Variants in DLG2 observed in about 807,000 individuals in gnomAD.
DLG2 encodes the protein discs large MAGUK scaffold protein 2.
A neutral mutation model predicts 132.5 loss-of-function variants in DLG2; 45 were observed. That is an observed-to-expected ratio of 0.34 (90% confidence interval 0.27 to 0.44). The LOEUF is 0.44. Among genes scored for constraint, DLG2 ranks in the 20% least tolerant of loss-of-function variants. The probability of loss-of-function intolerance (pLI) is 1.00; values close to 1 mark genes in which losing one functional copy is unlikely to be tolerated. For synonymous variants in DLG2, 424 were observed against 419.6 expected (o/e 1.01, Z -0.13); for missense variants, 1,045 against 1,196.9 (o/e 0.87, Z 1.87).
intron 3 of DLG2, among the ~76,000 whole-genome samples, chr11:85,418,913 G>T (rs2090077435): frequency 6.6e-6 from 1 of 151,962 alleles, no homozygotes; most frequent in African/African-American, 2.4e-5. Flanking sequence ...TTTTAATTGG[G>T]GCATTTAGCC....
chr11:83,950,916 G>T (rs2085253829), intron 14 of DLG2, among the ~76,000 whole-genome samples: 1 of 151,062 alleles, frequency 6.6e-6, no homozygotes, highest in Non-Finnish European at 1.5e-5. Flanking sequence ...TTATTTGCCT[G>T]CCCCCCCCTC....
intron 15 of DLG2, among the ~76,000 whole-genome samples, chr11:83,911,591 T>A (rs2076058985): frequency 6.6e-6 from 1 of 152,140 alleles, no homozygotes; most frequent in South Asian, 2.1e-4. Context: ...ATTGTCCATC[T>A]CATGTGTTAC....
At chr11:84,517,939 T>C (rs574696963) in intron 7 of DLG2, among the ~76,000 whole-genome samples, 3 of 151,894 alleles carry the variant, frequency 2.0e-5, no homozygotes, top group Non-Finnish European at 4.4e-5. Flanking sequence ...CTATGTGAAA[T>C]CTAAAAATTT....
intron 6 of DLG2, among the ~76,000 whole-genome samples, chr11:84,616,249 T>A (rs2099604268): frequency 6.6e-6 from 1 of 152,054 alleles, no homozygotes; most frequent in Admixed American, 6.6e-5. Flanking sequence ...GTCTTTGTAG[T>A]TACAGATAAC....
intron 18 of DLG2, among the ~76,000 whole-genome samples, chr11:83,728,378 TG>T (rs2090407705): frequency 6.6e-6 from 1 of 152,174 alleles, no homozygotes; most frequent in Non-Finnish European, 1.5e-5. Context: ...CTAGAAAACT[TG>T]GTGACTTTAT....
At chr11:84,791,764 C>A (rs891230545) in intron 6 of DLG2, among the ~76,000 whole-genome samples, 13 of 151,884 alleles carry the variant, frequency 8.6e-5, no homozygotes, top group African/African-American at 3.1e-4. Flanking sequence ...GAAATGCTAC[C>A]GATTTTTGTA....
intron 7 of DLG2, among the ~76,000 whole-genome samples, chr11:84,373,249 C>CAAAAAAAAAAACAAAAAAAAAAA (rs1459550146): frequency 7.2e-5 from 3 of 41,662 alleles, no homozygotes; most frequent in East Asian, 7.8e-4. Flanking sequence ...AAGAAACAGT[C>CAAAAAAAAAAACAAAAAAAAAAA]AAAAAAAAAA....
At chr11:83,943,457 C>T (rs1009709555) in intron 14 of DLG2, among the ~76,000 whole-genome samples, 5 of 152,106 alleles carry the variant, frequency 3.3e-5, no homozygotes, top group African/African-American at 1.2e-4. Context: ...TATGTAGTGC[C>T]TAGGTACTAA....
At chr11:85,008,083 G>C (rs1255347682) in intron 6 of DLG2, among the ~76,000 whole-genome samples, 2 of 152,110 alleles carry the variant, frequency 1.3e-5, no homozygotes, top group South Asian at 4.1e-4. Flanking sequence ...ACTAAGCAGA[G>C]AACACGAAAA....
chr11:85,085,395 G>A (rs1211421120), intron 6 of DLG2, among the ~76,000 whole-genome samples: 1 of 152,058 alleles, frequency 6.6e-6, no homozygotes, highest in Non-Finnish European at 1.5e-5. Flanking sequence ...AATATCTGCA[G>A]AAAAACTGTT....
In DLG2 at chr11:84,490,539, G is replaced by A. The variant is rs898426365; in HGVS notation, c.519+44031C>T. Among the ~76,000 whole-genome samples the A allele has an allele frequency of 1.2e-3, 186 of 151,616 alleles. 10 individuals are homozygous for A. Among genetic ancestry groups the A allele is most frequent in the East Asian group, 3.9e-4 (2 of 5,124 alleles). ...ATCATAGGTCTTGATGACTCTCAGC[G>A]GAGATTTAATTTTTGGTCCCTGGAA... On this transcript the variant is annotated intron_variant, in intron 7 of 27. Coordinates refer to ENST00000376104, the MANE Select transcript of DLG2 (RefSeq NM_001142699.3).
intron 5 of DLG2, among the ~76,000 whole-genome samples, chr11:85,117,533 T>C (rs2073785746): frequency 6.6e-6 from 1 of 151,732 alleles, no homozygotes; most frequent in Non-Finnish European, 1.5e-5. Context: ...ATAAGAACTT[T>C]CCTTGTCTCC....
At chr11:83,471,550 G>T in intron 24 of DLG2, 76 bp downstream of exon 24, 1 of 1,059,570 alleles carries the variant, frequency 9.4e-7, no homozygotes, top group Non-Finnish European at 1.5e-6. Context: ...CTGGAGGATG[G>T]AATTACATTT....
intron 6 of DLG2, among the ~76,000 whole-genome samples, chr11:85,064,849 C>A (rs1460895897): frequency 6.6e-6 from 1 of 151,472 alleles, no homozygotes; most frequent in African/African-American, 2.4e-5. Context: ...TTATAACATA[C>A]AAATTCTGCC....
At chr11:85,274,105 G>A (rs1265086514) in intron 4 of DLG2, among the ~76,000 whole-genome samples, 2 of 104,024 alleles carry the variant, frequency 1.9e-5, no homozygotes, top group East Asian at 5.3e-4. Context: ...CGGCTGTCGT[G>A]GGGTGGGTGG....
chr11:84,336,050 A>T (rs2098483212), intron 7 of DLG2, among the ~76,000 whole-genome samples: 1 of 152,160 alleles, frequency 6.6e-6, no homozygotes, highest in African/African-American at 2.4e-5. Context: ...TAGCAATTCA[A>T]ATAGCTTCTT....
rs151241811 is a variant in DLG2, at chr11:84,931,581, T to C, written c.357+180080A>G. On this transcript the variant is annotated intron_variant, in intron 6 of 27. Transcript: ENST00000376104. ...TTTCTGCAATGAACATATGCAGCCATGTGTCTTTATAATAAAATGATTTAT... is the reference window on the plus strand; with the variant it reads ...TTTCTGCAATGAACATATGCAGCCACGTGTCTTTATAATAAAATGATTTAT... Among the ~76,000 whole-genome samples, 403 of 152,296 alleles carry C rather than the reference T, an allele frequency of 2.6e-3. 3 individuals carry two copies. The highest frequency in any genetic ancestry group is 9.4e-3 in the African/African-American group (392 of 41,554).
intron 14 of DLG2, among the ~76,000 whole-genome samples, chr11:83,948,210 A>G (rs1022631339): frequency 1.3e-5 from 2 of 152,256 alleles, no homozygotes; most frequent in Non-Finnish European, 2.9e-5. Flanking sequence ...TCAGTTGATA[A>G]CATTCCCATT....
At chr11:84,805,497 G>A (rs900735122) in intron 6 of DLG2, among the ~76,000 whole-genome samples, 6 of 152,160 alleles carry the variant, frequency 3.9e-5, no homozygotes, top group African/African-American at 1.2e-4. Context: ...CTGGTGGGAG[G>A]TGAGTGGATC....
Sources: allele counts gnomAD v4.1 joint callset (sites outside exome capture counted in the v4.1 genomes callset), GRCh38; gene constraint gnomAD v4.1.1; transcripts MANE v1.5; gene names NCBI Gene and HGNC (gene_info 2026-07-23, HGNC 2026-07-21).